The following FBXL7 variants were observed in gnomAD, a reference collection of about 807,000 sequenced individuals.
The protein encoded by FBXL7 is F-box/LRR-repeat protein 7.
Under a neutral mutation model 38.3 loss-of-function variants are expected in FBXL7, and 12 were observed. That is an observed-to-expected ratio of 0.31 (90% CI 0.20 to 0.51). The LOEUF is 0.51. Ranked by LOEUF, FBXL7 falls within the 20% of genes least tolerant of loss-of-function variation. The pLI, the probability that FBXL7 is intolerant of heterozygous loss-of-function variation, is 0.98. For synonymous variants in FBXL7, 297 were observed against 300.9 expected (o/e 0.99, Z 0.13); for missense variants, 567 against 676.4 (o/e 0.84, Z 1.79).
At chr5:15,916,375 G>A (rs1163395071) in intron 2 of FBXL7, among the ~76,000 whole-genome samples, 1 of 152,172 alleles carries the variant, frequency 6.6e-6, no homozygotes, top group Admixed American at 6.5e-5. Flanking sequence ...AGAGATGGGG[G>A]AGCATGGTCT....
chr5:15,728,623 T>C (rs1256320544), intron 2 of FBXL7, among the ~76,000 whole-genome samples: 3 of 152,180 alleles, frequency 2.0e-5, no homozygotes, highest in Admixed American at 6.5e-5. Flanking sequence ...ATTCATCCTG[T>C]GAAATTGATT....
chr5:15,915,554 C>T (rs1001174833), intron 2 of FBXL7, among the ~76,000 whole-genome samples: 4 of 152,176 alleles, frequency 2.6e-5, no homozygotes, highest in Non-Finnish European at 5.9e-5. Context: ...CTACTCTAAT[C>T]GAGCATGACC....
At position 15,936,534 on chromosome 5, in the gene FBXL7, G is replaced by C; in HGVS notation, c.824G>C (p.Arg275Pro). The C allele has an allele frequency of 6.2e-7, 1 of 1,613,524 alleles. No homozygotes were observed. Among genetic ancestry groups the C allele is most frequent in the Non-Finnish European group, 8.5e-7 (1 of 1,179,896 alleles). The change falls in exon 4 of 4, where the codon CGC (arginine) becomes CCC (proline). Residue 275 changes from arginine (R) to proline (P), a missense_variant. Arg to Pro is a moderately radical substitution (Grantham distance 103). Coordinates refer to ENST00000504595, the MANE Select transcript of FBXL7 (RefSeq NM_012304.5). This position sits in a 1 kb window ranked among gnomAD's most constrained non-coding sequence, Gnocchi z 6.0. Reference sequence around the variant, plus strand: ...TTGCATGGCAAACAGATTTCCATCCGCTACCTGGACATGACGGACTGCTTC... The same window carrying C: ...TTGCATGGCAAACAGATTTCCATCCCCTACCTGGACATGACGGACTGCTTC... ...SPLHGKQISI[R>P]YLDMTDCFVL...
chr5:15,598,536 T>A (rs889439473), intron 1 of FBXL7, among the ~76,000 whole-genome samples: 1 of 152,282 alleles, frequency 6.6e-6, no homozygotes, highest in South Asian at 2.1e-4. Flanking sequence ...GAGAAAGAAG[T>A]CCAGTGGTAG....
chr5:15,608,831 T>C (rs1047356102), intron 1 of FBXL7, among the ~76,000 whole-genome samples: 18 of 152,172 alleles, frequency 1.2e-4, no homozygotes, highest in Admixed American at 7.2e-4. Context: ...CACACATGCA[T>C]ACACATACAC....
chr5:15,516,608 T>G (rs193238583), intron 1 of FBXL7, among the ~76,000 whole-genome samples: 1 of 152,296 alleles, frequency 6.6e-6, no homozygotes, highest in Admixed American at 6.5e-5. Flanking sequence ...GAATTGTAGT[T>G]CCCATAATTC....
intron 2 of FBXL7, among the ~76,000 whole-genome samples, chr5:15,680,095 G>A (rs1213892860): frequency 6.6e-6 from 1 of 152,110 alleles, no homozygotes; most frequent in Non-Finnish European, 1.5e-5. Flanking sequence ...TTTTTTTCCA[G>A]TCCTTTACAT....
intron 2 of FBXL7, among the ~76,000 whole-genome samples, chr5:15,696,217 G>C (rs1009207937): frequency 2.6e-5 from 4 of 152,132 alleles, no homozygotes; most frequent in Non-Finnish European, 4.4e-5. Flanking sequence ...TCTCATTTCA[G>C]AAAGCAATAG....
rs192369501 is a variant in FBXL7, at chr5:15,805,735, C to T, written c.128-122155C>T. Among the ~76,000 whole-genome samples, 9 of 152,086 alleles carry T rather than the reference C, an allele frequency of 5.9e-5. No individual in the cohort carries two copies. In the East Asian group the frequency reaches 1.5e-3, roughly 26 times the overall value. On this transcript the variant is annotated intron_variant, in intron 2 of 3. Transcript: ENST00000504595. ...AGAAAAAAAGGGTATATTTAATCAC[C>T]GGATTTTAAAAAGAAAGCTAAGTTC...
At chr5:15,758,169 C>T (rs370995960) in intron 2 of FBXL7, among the ~76,000 whole-genome samples, 2 of 151,886 alleles carry the variant, frequency 1.3e-5, no homozygotes, top group Non-Finnish European at 2.9e-5. Flanking sequence ...TTAAAATCGC[C>T]TCATATCTTA....
At chr5:15,814,249 A>G (rs1184680712) in intron 2 of FBXL7, among the ~76,000 whole-genome samples, 1 of 152,196 alleles carries the variant, frequency 6.6e-6, no homozygotes, top group Non-Finnish European at 1.5e-5. Flanking sequence ...ATGCAGCCAT[A>G]AAAAAGGATG....
chr5:15,699,063 C>G (rs1471451135), intron 2 of FBXL7, among the ~76,000 whole-genome samples: 1 of 152,082 alleles, frequency 6.6e-6, no homozygotes, highest in Non-Finnish European at 1.5e-5. Flanking sequence ...CTTCAGAGCA[C>G]ATTTTGATCA....
chr5:15,820,997 C>T (rs1738153999), intron 2 of FBXL7, among the ~76,000 whole-genome samples: 1 of 152,150 alleles, frequency 6.6e-6, no homozygotes, highest in South Asian at 2.1e-4. Flanking sequence ...TAAGTGCTGT[C>T]GTGGAACTGG....
intron 1 of FBXL7, among the ~76,000 whole-genome samples, chr5:15,595,202 T>C (rs1739593577): frequency 6.6e-6 from 1 of 152,174 alleles, no homozygotes; most frequent in African/African-American, 2.4e-5. Context: ...GTGTCAGTTG[T>C]GATTATTACT....
chr5:15,548,630 T>C (rs1737980923), intron 1 of FBXL7, among the ~76,000 whole-genome samples: 1 of 152,212 alleles, frequency 6.6e-6, no homozygotes, highest in Non-Finnish European at 1.5e-5. Flanking sequence ...TCAATCATTT[T>C]AGAAGGTTTA....
intron 1 of FBXL7, among the ~76,000 whole-genome samples, chr5:15,562,850 A>G (rs781418183): frequency 1.3e-5 from 2 of 152,116 alleles, no homozygotes; most frequent in Non-Finnish European, 2.9e-5. Context: ...CCTTAATGGG[A>G]CTTAAGTTCC....
At chr5:15,933,584 C>T (rs563741128) in intron 3 of FBXL7, among the ~76,000 whole-genome samples, 1 of 152,282 alleles carries the variant, frequency 6.6e-6, no homozygotes, top group South Asian at 2.1e-4. Flanking sequence ...TTTGCAAAAC[C>T]ACAAAGCCCA....
chr5:15,621,085 G>A (rs951462023), intron 2 of FBXL7, among the ~76,000 whole-genome samples: 1 of 152,258 alleles, frequency 6.6e-6, no homozygotes, highest in Non-Finnish European at 1.5e-5. Flanking sequence ...ATGAGAGAAT[G>A]GCATTTTTGA....
At position 15,777,322 on chromosome 5, in the gene FBXL7, A is replaced by T. The variant is rs563329915; in HGVS notation, c.128-150568A>T. 9.7e-4 allele frequency among the ~76,000 whole-genome samples: 148 copies of T among 152,208 alleles called. 1 individual carries two copies. The highest frequency in any genetic ancestry group is 1.8e-3 in the Non-Finnish European group (123 of 67,970). Reference sequence around the variant, plus strand: ...ATACACCTGGATATCAAGCTTTATTATATCAAATAATGTAGCATTTGAATC... The same window carrying T: ...ATACACCTGGATATCAAGCTTTATTTTATCAAATAATGTAGCATTTGAATC... On this transcript the variant is annotated intron_variant, in intron 2 of 3. Transcript: ENST00000504595.
Sources: allele counts gnomAD v4.1 joint callset (sites outside exome capture counted in the v4.1 genomes callset), GRCh38; gene constraint gnomAD v4.1.1; non-coding constraint Gnocchi (gnomAD v3.1); transcripts MANE v1.5; gene names NCBI Gene and HGNC (gene_info 2026-07-23, HGNC 2026-07-21).